The following CRIM1 variants were observed in gnomAD, a reference collection of about 807,000 sequenced individuals.
The protein encoded by CRIM1 is cysteine rich transmembrane BMP regulator 1, also known as cysteine-rich motor neuron 1 protein.
In CRIM1, 32 loss-of-function variants were observed where a neutral mutation model predicts 116.4. The ratio of observed to expected loss-of-function variants is 0.27; its 90% CI spans 0.21 to 0.37. The LOEUF (loss-of-function observed/expected upper bound fraction) is 0.37. Among genes scored for constraint, CRIM1 ranks in the 10% least tolerant of loss-of-function variants. The probability of loss-of-function intolerance (pLI) is 1.00; values close to 1 mark genes in which losing one functional copy is unlikely to be tolerated. For missense variants in CRIM1, 1,331 were observed against 1,354.8 expected, an observed-to-expected ratio of 0.98 and a Z score of 0.28; for synonymous variants, 590 against 509.2, an observed-to-expected ratio of 1.16 and a Z score of -2.13.
chr2:36,429,253 C>T (rs1204845443), intron 2 of CRIM1, among the ~76,000 whole-genome samples: 1 of 152,146 alleles, frequency 6.6e-6, no homozygotes, highest in Admixed American at 6.5e-5. Context: ...TCTGTTGAGA[C>T]TTATTTGTGG....
chr2:36,528,290 A>G (rs962623814), intron 13 of CRIM1, among the ~76,000 whole-genome samples: 1 of 152,172 alleles, frequency 6.6e-6, no homozygotes, highest in African/African-American at 2.4e-5. Flanking sequence ...ATCTTAGATA[A>G]TGCTTTGGCA....
intron 4 of CRIM1, among the ~76,000 whole-genome samples, chr2:36,458,099 A>T (rs3770872): frequency 0.03 from 4,585 of 152,098 alleles, 114 homozygotes; most frequent in African/African-American, 0.054. Context: ...TCCAGTATTG[A>T]AAGAAATCTT....
Position 36,356,695 on chromosome 2 carries a change from A to C in CRIM1, c.331+72A>C. 6.9e-7 allele frequency: 1 copy of C among 1,451,236 alleles called. No individual in the cohort carries two copies. The highest frequency in any genetic ancestry group is 1.3e-5 in the South Asian group (1 of 77,122). The allele number at this position is 1,451,236 out of a possible 1,614,324, so 89.9% of individuals were successfully genotyped here. A position where few individuals can be genotyped will look rare whatever the true frequency, so the allele number is the denominator to read the frequency against. On this transcript the variant is annotated intron_variant, in intron 1 of 16. Transcript: ENST00000280527. The surrounding 1 kb of genome is among the most constrained non-coding windows in gnomAD (Gnocchi z 4.3). ...CCCTCGGCGCTGGTTGTGCCGAACA[A>C]AGTTTGGGCGAGACTTTCTGGAGGA...
rs193208910 is a variant in CRIM1, at chr2:36,388,024, C to G, written c.332-8590C>G. On this transcript the variant is annotated intron_variant, in intron 1 of 16. Coordinates refer to ENST00000280527, the MANE Select transcript of CRIM1 (RefSeq NM_016441.3). ...TTTAAACACTGTCTTAACTGTGTCC[C>G]CATCAATGTTGACATATGGTACTTC... Among the ~76,000 whole-genome samples, 99 of 151,786 alleles carry G rather than the reference C, an allele frequency of 6.5e-4. 1 individual carries two copies. The highest frequency in any genetic ancestry group is 6.8e-3 in the Middle Eastern group (2 of 294).
intron 7 of CRIM1, among the ~76,000 whole-genome samples, chr2:36,490,349 T>TTTCC (rs1680136861): frequency 6.6e-6 from 1 of 152,176 alleles, no homozygotes; most frequent in South Asian, 2.1e-4. Flanking sequence ...TCCCATTTTC[T>TTTCC]GGAAGCCCAG....
At chr2:36,420,274 A>G (rs1401364594) in intron 2 of CRIM1, among the ~76,000 whole-genome samples, 1 of 152,188 alleles carries the variant, frequency 6.6e-6, no homozygotes, top group Admixed American at 6.5e-5. Context: ...GCATGCTTAT[A>G]TATCAGATGT....
chr2:36,513,394 C>T (rs1572902725), intron 10 of CRIM1, 162 bp from the exon 11 acceptor site: 2 of 605,772 alleles, frequency 3.3e-6, no homozygotes, highest in Non-Finnish European at 5.9e-6. Flanking sequence ...AGATTGAGAA[C>T]ATACTGACTT....
intron 14 of CRIM1, among the ~76,000 whole-genome samples, chr2:36,538,639 A>G (rs1446902246): frequency 1.3e-5 from 2 of 152,212 alleles, no homozygotes; most frequent in Non-Finnish European, 2.9e-5. Flanking sequence ...ACTAGCCCCA[A>G]TTGAGCATTT....
chr2:36,468,508 C>A (rs1413052545), intron 5 of CRIM1, among the ~76,000 whole-genome samples: 2 of 152,126 alleles, frequency 1.3e-5, no homozygotes, highest in African/African-American at 4.8e-5. Context: ...GAACAAGATC[C>A]TTGTTATTTA....
intron 4 of CRIM1, among the ~76,000 whole-genome samples, chr2:36,453,554 C>G (rs1572766557): frequency 6.6e-6 from 1 of 152,302 alleles, no homozygotes; most frequent in East Asian, 1.9e-4. Flanking sequence ...TAGTCTGCAG[C>G]AAAAGTCCTA....
At chr2:36,511,572 G>A (rs1033177072) in intron 9 of CRIM1, among the ~76,000 whole-genome samples, 4 of 152,176 alleles carry the variant, frequency 2.6e-5, no homozygotes, top group African/African-American at 9.7e-5. Context: ...TCAAGGCTGT[G>A]TTCAAATCCA....
At chr2:36,538,752 C>T (rs1666734808) in intron 14 of CRIM1, among the ~76,000 whole-genome samples, 1 of 152,068 alleles carries the variant, frequency 6.6e-6, no homozygotes, top group Admixed American at 6.5e-5. Context: ...TTATAGTTTT[C>T]CATATACACA....
At chr2:36,444,502 G>A (rs1676096946) in intron 4 of CRIM1, among the ~76,000 whole-genome samples, 1 of 152,204 alleles carries the variant, frequency 6.6e-6, no homozygotes, top group Non-Finnish European at 1.5e-5. Flanking sequence ...GCTTCTGTGA[G>A]TCTAGAAAAT....
intron 13 of CRIM1, among the ~76,000 whole-genome samples, chr2:36,528,401 G>A (rs1665899119): frequency 6.6e-6 from 1 of 152,338 alleles, no homozygotes; most frequent in East Asian, 1.9e-4. Context: ...TAGCTCAGCT[G>A]TGTTGTGACA....
chr2:36,424,811 T>C (rs1196825089), intron 2 of CRIM1, among the ~76,000 whole-genome samples: 1 of 152,220 alleles, frequency 6.6e-6, no homozygotes, highest in Non-Finnish European at 1.5e-5. Context: ...CTTACACTGA[T>C]TTGATCTTTA....
At chr2:36,421,148 A>G (rs1482478684) in intron 2 of CRIM1, among the ~76,000 whole-genome samples, 1 of 152,246 alleles carries the variant, frequency 6.6e-6, no homozygotes, top group African/African-American at 2.4e-5. Flanking sequence ...ATGAGTGCTT[A>G]TATTCTTAAC....
chr2:36,517,027 CCCCT>C (rs1665073881), intron 11 of CRIM1, among the ~76,000 whole-genome samples: 1 of 152,104 alleles, frequency 6.6e-6, no homozygotes, highest in Admixed American at 6.5e-5. Context: ...CCAGAAGAGG[CCCCT>C]GTTCTCATCT....
chr2:36,469,750 T>C (rs1438941581), intron 5 of CRIM1, among the ~76,000 whole-genome samples: 6 of 152,220 alleles, frequency 3.9e-5, no homozygotes, highest in Admixed American at 3.3e-4. Flanking sequence ...GATAGAATAA[T>C]GGAGATATTC....
chr2:36,401,327 C>T (rs1022701226), intron 2 of CRIM1, among the ~76,000 whole-genome samples: 3 of 152,102 alleles, frequency 2.0e-5, no homozygotes, highest in Admixed American at 6.5e-5. Flanking sequence ...TCAGCCGTGG[C>T]TTAGTGCAGA....
Sources: allele counts gnomAD v4.1 joint callset (sites outside exome capture counted in the v4.1 genomes callset), GRCh38; gene constraint gnomAD v4.1.1; non-coding constraint Gnocchi (gnomAD v3.1); transcripts MANE v1.5; gene names NCBI Gene and HGNC (gene_info 2026-07-23, HGNC 2026-07-21).